IL19: variants seen among roughly 807,000 people sequenced by gnomAD.
IL19 encodes the protein interleukin 19.
In IL19, 15 loss-of-function variants were observed where a neutral mutation model predicts 19.5. The observed-to-expected ratio is 0.77, with a 90% confidence interval of 0.52 to 1.19. IL19 has a LOEUF of 1.19. IL19 is among the 50% of genes most tolerant of loss of function. The pLI is 0.00. For synonymous variants in IL19, 78 were observed against 78.3 expected (o/e 1.00, Z 0.02); for missense variants, 199 against 213.1 (o/e 0.93, Z 0.41).
chr1:206,836,628 G>C (rs1676804329), intron 2 of IL19, 33 bp from the exon 3 acceptor site: 3 of 1,576,530 alleles, frequency 1.9e-6, no homozygotes, highest in East Asian at 4.5e-5. Context: ...CTCCACTCTT[G>C]GCTGGACAGC....
At chr1:206,840,983 G>T (rs778908860) in intron 5 of IL19, 21 bp from the exon 6 acceptor site, 7 of 1,608,536 alleles carry the variant, frequency 4.4e-6, no homozygotes, top group Non-Finnish European at 6.0e-6. Flanking sequence ...TCTGATAGGA[G>T]CTTCCTCCAC....
At chr1:206,803,657 A>G (rs1314630708) in intron 2 of IL19, among the ~76,000 whole-genome samples, 4 of 152,196 alleles carry the variant, frequency 2.6e-5, no homozygotes, top group African/African-American at 9.6e-5. Flanking sequence ...GCCTTCAGCA[A>G]CACAAAAACA....
chr1:206,838,721 G>A (rs1479851942), intron 4 of IL19, among the ~76,000 whole-genome samples: 2 of 150,620 alleles, frequency 1.3e-5, no homozygotes, highest in African/African-American at 4.9e-5. Flanking sequence ...TAAGGATTCA[G>A]GTTCCTTCCC....
intron 1 of IL19, among the ~76,000 whole-genome samples, chr1:206,773,792 T>C (rs1490877105): frequency 6.6e-6 from 1 of 152,194 alleles, no homozygotes. Context: ...TTGCCTGCCA[T>C]TCCAGTTTAG....
intron 2 of IL19, among the ~76,000 whole-genome samples, chr1:206,814,567 C>T (rs1676098645): frequency 6.6e-6 from 1 of 150,384 alleles, no homozygotes; most frequent in South Asian, 2.1e-4. Flanking sequence ...AGTGACGGCC[C>T]CCTGTAATCC....
chr1:206,836,234 T>C (rs145500640), intron 2 of IL19, among the ~76,000 whole-genome samples: 10 of 152,120 alleles, frequency 6.6e-5, no homozygotes, highest in Admixed American at 6.5e-4. Context: ...AAAAACCAAG[T>C]GTGTTTTTAT....
intron 1 of IL19, among the ~76,000 whole-genome samples, chr1:206,789,083 GGAAA>G (rs1033794019): frequency 7.9e-5 from 12 of 152,160 alleles, no homozygotes; most frequent in African/African-American, 2.9e-4. Context: ...TTTCCGCCTT[GGAAA>G]GAAAGAGATT....
In IL19 at chr1:206,798,946, A is replaced by C; in HGVS notation, c.-63A>C. The stretch of plus-strand genomic sequence containing the variant: ...CAGATCTGCGTGTTCCTTACCACTC[A>C]CACATGTGCACACACATATCCATGT... On this transcript the variant is annotated 5_prime_UTR_variant, in exon 2 of 7. Transcript: ENST00000659997. The C allele has an allele frequency of 1.9e-6, 3 of 1,613,918 alleles. No homozygotes were observed. The highest frequency in any genetic ancestry group is 2.7e-5 in the African/African-American group (2 of 74,984).
At chr1:206,784,529 C>G (rs947434221) in intron 1 of IL19, among the ~76,000 whole-genome samples, 1 of 152,194 alleles carries the variant, frequency 6.6e-6, no homozygotes, top group African/African-American at 2.4e-5. Flanking sequence ...ATTTCCTTCT[C>G]GCAATCCTGG....
At chr1:206,783,960 A>G (rs1241289092) in intron 1 of IL19, among the ~76,000 whole-genome samples, 1 of 152,182 alleles carries the variant, frequency 6.6e-6, no homozygotes, top group African/African-American at 2.4e-5. Flanking sequence ...GCCCACCTGA[A>G]GTGTAGTGGT....
chr1:206,825,187 C>A (rs1241396304), intron 2 of IL19, among the ~76,000 whole-genome samples: 1 of 152,190 alleles, frequency 6.6e-6, no homozygotes, highest in Non-Finnish European at 1.5e-5. Context: ...TATATTGAAT[C>A]AACTTCTCAA....
intron 2 of IL19, among the ~76,000 whole-genome samples, chr1:206,820,904 C>T (rs1046342782): frequency 2.0e-5 from 3 of 152,250 alleles, no homozygotes; most frequent in Admixed American, 6.5e-5. Context: ...TCCAGTGTGC[C>T]TGTCCTTTTC....
chr1:206,794,118 A>T (rs1042747582), intron 1 of IL19, among the ~76,000 whole-genome samples: 14 of 152,182 alleles, frequency 9.2e-5, no homozygotes, highest in African/African-American at 3.4e-4. Context: ...ATCTCATTTC[A>T]TCACCATCAC....
intron 2 of IL19, among the ~76,000 whole-genome samples, chr1:206,825,683 T>C (rs1676421216): frequency 1.3e-5 from 2 of 152,220 alleles, no homozygotes; most frequent in Admixed American, 6.5e-5. Flanking sequence ...TTCTACAGCA[T>C]AGATCCAGGG....
chr1:206,801,240 A>G (rs1675675105), intron 2 of IL19, among the ~76,000 whole-genome samples: 1 of 151,558 alleles, frequency 6.6e-6, no homozygotes. Flanking sequence ...CCTGTAGCCC[A>G]TGGCCTTCTA....
intron 1 of IL19, 42 bp from the exon 2 acceptor site, chr1:206,798,819 G>A: frequency 9.1e-7 from 1 of 1,102,998 alleles, no homozygotes; most frequent in South Asian, 1.4e-5. Context: ...GGAGCTGAGT[G>A]TACCTTTTTG....
chr1:206,826,935 GTC>G (rs1010955182), intron 2 of IL19, among the ~76,000 whole-genome samples: 2 of 152,212 alleles, frequency 1.3e-5, no homozygotes, highest in African/African-American at 4.8e-5. Context: ...GTGGCCTCCG[GTC>G]CCAGCTCCAC....
intron 1 of IL19, among the ~76,000 whole-genome samples, chr1:206,793,187 G>T (rs1675445828): frequency 1.3e-5 from 2 of 152,232 alleles, no homozygotes; most frequent in Non-Finnish European, 2.9e-5. Context: ...GCTAAATCCC[G>T]ACGGGGACTT....
At chr1:206,779,831 A>G (rs548316665) in intron 1 of IL19, among the ~76,000 whole-genome samples, 84 of 151,006 alleles carry the variant, frequency 5.6e-4, no homozygotes, top group African/African-American at 9.0e-4. Flanking sequence ...TTTTTTTTCA[A>G]ATGATCCGCA....
Sources: gnomAD v4.1 joint callset for allele counts (sites outside exome capture counted in the v4.1 genomes callset) on GRCh38, gnomAD v4.1.1 for gene constraint, MANE v1.5 for transcripts, NCBI Gene and HGNC (gene_info 2026-07-23, HGNC 2026-07-21) for gene names.